The following FMN2 variants were observed in gnomAD, a reference collection of about 807,000 sequenced individuals.
FMN2 encodes the protein formin 2.
Under a neutral mutation model 142.3 loss-of-function variants are expected in FMN2, and 51 were observed. The ratio of observed to expected loss-of-function variants is 0.36; its 90% confidence interval spans 0.29 to 0.45. The LOEUF is 0.45. Among genes scored for constraint, FMN2 ranks in the 20% least tolerant of loss-of-function variants. The pLI, the probability that FMN2 is intolerant of heterozygous loss-of-function variation, is 1.00. For synonymous variants in FMN2, 882 were observed against 869.8 expected (o/e 1.01, Z -0.25); for missense variants, 1,936 against 2,122.8 (o/e 0.91, Z 1.73).
chr1:240,372,727 T>C (rs1161824590), intron 14 of FMN2, among the ~76,000 whole-genome samples: 1 of 151,622 alleles, frequency 6.6e-6, no homozygotes, highest in Non-Finnish European at 1.5e-5. Flanking sequence ...AAAGCAATAT[T>C]GGTTCCAGAC....
intron 4 of FMN2, among the ~76,000 whole-genome samples, chr1:240,194,352 C>T (rs1488861619): frequency 1.3e-5 from 2 of 152,164 alleles, no homozygotes; most frequent in African/African-American, 2.4e-5. Context: ...CAAAGATGAA[C>T]AAAGTCAGAC....
intron 14 of FMN2, among the ~76,000 whole-genome samples, chr1:240,357,610 GTT>G (rs11293253): frequency 3.0e-4 from 42 of 138,348 alleles, no homozygotes; most frequent in Admixed American, 8.0e-4. Context: ...AACCTTACGG[GTT>G]TTTTTTTTTT....
rs1226676367 is a variant in FMN2 at position 240,099,197 on chromosome 1, A to G, written c.1615+5473A>G. On this transcript the variant is annotated intron_variant, in intron 1 of 17. Coordinates refer to ENST00000319653, the MANE Select transcript of FMN2 (RefSeq NM_020066.5). ...ACTGGATTTATTATCTTAAAAAAAA[A>G]GTCATTGTTCAAAGTGATCAGAGCC... Among the ~76,000 whole-genome samples, 6 of 152,292 alleles carry G rather than the reference A, an allele frequency of 3.9e-5. No homozygotes were observed. The South Asian group carries it at 6.2e-4, about 16-fold the overall frequency.
At chr1:240,366,006 A>G (rs1672656735) in intron 14 of FMN2, among the ~76,000 whole-genome samples, 1 of 152,180 alleles carries the variant, frequency 6.6e-6, no homozygotes, top group South Asian at 2.1e-4. Context: ...AGATGGTGAC[A>G]AGGGCACTTT....
At chr1:240,164,081 T>C (rs1349625495) in intron 2 of FMN2, among the ~76,000 whole-genome samples, 1 of 152,126 alleles carries the variant, frequency 6.6e-6, no homozygotes, top group Non-Finnish European at 1.5e-5. Context: ...AATTTTTTTG[T>C]AAAGGCAAGA....
At chr1:240,275,332 A>G (rs1669166407) in intron 7 of FMN2, among the ~76,000 whole-genome samples, 1 of 151,756 alleles carries the variant, frequency 6.6e-6, no homozygotes, top group South Asian at 2.1e-4. Flanking sequence ...AAGTGAGAAC[A>G]TGTGGTGCTT....
chr1:240,293,209 G>A lies in FMN2; in HGVS notation c.4154-1613G>A, dbSNP rs184288536. 1.3e-3 allele frequency among the ~76,000 whole-genome samples: 200 copies of A among 152,170 alleles called. 1 individual carries two copies. Among genetic ancestry groups the A allele is most frequent in the African/African-American group, 4.5e-3 (186 of 41,528 alleles). ...GTATAATAGTATGGTTTAAAATGATGGATAAAGTCAAAGGACAACTGTGTA... is the reference window on the plus strand; with the variant it reads ...GTATAATAGTATGGTTTAAAATGATAGATAAAGTCAAAGGACAACTGTGTA... On this transcript the variant is annotated intron_variant, in intron 7 of 17. Transcript: ENST00000319653.
rs534293961 is a variant in FMN2 at position 240,221,347 on chromosome 1, G to A, written c.4065+10112G>A. Among the ~76,000 whole-genome samples, 528 of 152,166 alleles carry A rather than the reference G, an allele frequency of 3.5e-3. 5 individuals are homozygous for A. Among genetic ancestry groups the A allele is most frequent in the African/African-American group, 0.011 (474 of 41,538 alleles). ...ACACTCCCACCAACAGTGTAAAAGT[G>A]TTCCTATTTCTCCACATCCTCTCCA... On this transcript the variant is annotated intron_variant, in intron 6 of 17. Transcript: ENST00000319653.
intron 15 of FMN2, among the ~76,000 whole-genome samples, chr1:240,426,439 G>T (rs1674938105): frequency 6.6e-6 from 1 of 152,104 alleles, no homozygotes; most frequent in Non-Finnish European, 1.5e-5. Context: ...CATTTTAAAA[G>T]ATGTGTATAG....
chr1:240,093,655 TC>T lies in FMN2; in HGVS notation c.1550del (p.Pro517GlnfsTer151), dbSNP rs1390970926. Reference sequence around the variant, plus strand: ...GGCGAGTGACAGCGGCGGTGGGGTGTCCCCAGCACTGGCCGCCAAGGCGTCT... The same window carrying T: ...GGCGAGTGACAGCGGCGGTGGGGTGTCCCAGCACTGGCCGCCAAGGCGTCT... ...GVASDSGGGV[S>X]PALAAKASGA... On this transcript the variant is annotated frameshift_variant, in exon 1 of 18. Coordinates refer to ENST00000319653, the MANE Select transcript of FMN2 (RefSeq NM_020066.5). LOFTEE classifies it high-confidence loss of function. 3.6e-6 allele frequency: 5 copies of T among 1,376,330 alleles called. No homozygotes were observed. The highest frequency in any genetic ancestry group is 1.8e-5 in the South Asian group (1 of 54,262). The allele number at this position is 1,376,330 out of a possible 1,614,324, so 85.3% of individuals were successfully genotyped here.
In FMN2 at chr1:240,438,079, A is replaced by T; in HGVS notation, c.4929A>T (p.Ala1643=). ...ETHKCFLETT[A]YFFMKPKLGE... ...TTGACAGCTTTTTGGAGACCACGGC[A>T]TATTTCTTCATGAAACCAAAACTTG... is the stretch of plus-strand genomic sequence containing the variant. Residue 1643 remains alanine, a synonymous_variant, in exon 16 of 18, where the codon GCA becomes GCT. Coordinates refer to ENST00000319653, the MANE Select transcript of FMN2 (RefSeq NM_020066.5). 2 of 1,613,926 alleles carry T rather than the reference A, an allele frequency of 1.2e-6. No homozygotes were observed. Among genetic ancestry groups the T allele is most frequent in the Non-Finnish European group, 1.7e-6 (2 of 1,179,956 alleles).
chr1:240,379,743 C>T (rs1296916011), intron 14 of FMN2, among the ~76,000 whole-genome samples: 5 of 151,820 alleles, frequency 3.3e-5, no homozygotes, highest in East Asian at 3.9e-4. Flanking sequence ...CAATTAAGTC[C>T]GGAATTAAGT....
rs1363610642 is a variant in FMN2 at position 240,361,145 on chromosome 1, A to T, written c.4858+5237A>T. On this transcript the variant is annotated intron_variant, in intron 14 of 17. Coordinates refer to ENST00000319653, the MANE Select transcript of FMN2 (RefSeq NM_020066.5). ...TAATAATAAATAAATATATGTGTAT[A>T]TATATATATATATATATATATATAT... Among the ~76,000 whole-genome samples the T allele has an allele frequency of 1.6e-3, 16 of 10,200 alleles. No homozygotes were observed. In the East Asian group the frequency reaches 0.031, roughly 20 times the overall value. 6.7% of individuals were successfully genotyped at this position (10,200 alleles called of 152,430 possible).
At chr1:240,290,317 T>C (rs1195653849) in intron 7 of FMN2, among the ~76,000 whole-genome samples, 2 of 152,184 alleles carry the variant, frequency 1.3e-5, no homozygotes, top group African/African-American at 2.4e-5. Flanking sequence ...ACAATGACAT[T>C]GGATCTTAGC....
chr1:240,185,170 CACCTTTCCCCTTCTCTTTCTCCCTCCTAT>C (rs1553338272), intron 3 of FMN2, among the ~76,000 whole-genome samples: 4 of 37,416 alleles, frequency 1.1e-4, no homozygotes, highest in African/African-American at 4.6e-4. Flanking sequence ...CTCCCTCCTA[CACCTTTCCCCTTCTCTTTCTCCCTCCTAT>C]ACCTTTTTCC....
chr1:240,258,081 G>T lies in FMN2; in HGVS notation c.4153+49G>T. The T allele has an allele frequency of 4.2e-6, 6 of 1,429,156 alleles. No individual in the cohort carries two copies. In the South Asian group the frequency reaches 7.2e-5, roughly 17 times the overall value. 88.5% of individuals were successfully genotyped at this position (1,429,156 alleles called of 1,614,324 possible). On this transcript the variant is annotated intron_variant, in intron 7 of 17. Transcript: ENST00000319653. ...GCTTCTGAATATTAAAATTTGGGCT[G>T]AGGGATATGATGTTTGTTGGTAATG...
chr1:240,336,079 G>T (rs1671544767), intron 13 of FMN2, among the ~76,000 whole-genome samples: 1 of 152,138 alleles, frequency 6.6e-6, no homozygotes, highest in Non-Finnish European at 1.5e-5. Context: ...GGAGGCAGAG[G>T]TTGCAGTGAG....
Position 240,207,133 on chromosome 1 carries a change from A to C in FMN2, c.2321A>C (p.Glu774Ala). ...PGRPPCPPGA[E>A]SGPQTKFCSE... ...CGTCCTCCATGCCCCCCTGGGGCTGAAAGTGGACCTCAGACAAAGTTCTGT... is the reference window on the plus strand; with the variant it reads ...CGTCCTCCATGCCCCCCTGGGGCTGCAAGTGGACCTCAGACAAAGTTCTGT... Residue 774 changes from glutamate (E) to alanine (A), a missense_variant, in exon 5 of 18, where the codon GAA becomes GCA. By Grantham distance (107) the Glu-to-Ala change is moderately radical (BLOSUM62 -1). Around this residue, in one of 8 missense-constraint regions of FMN2, gnomAD observed 478 missense variants for 462.8 expected, o/e 1.03. Transcript: ENST00000319653. The C allele has an allele frequency of 1.2e-6, 2 of 1,614,076 alleles. No homozygotes were observed. The highest frequency in any genetic ancestry group is 1.7e-6 in the Non-Finnish European group (2 of 1,179,966).
At chr1:240,342,365 C>A (rs1671771223) in intron 13 of FMN2, among the ~76,000 whole-genome samples, 1 of 152,156 alleles carries the variant, frequency 6.6e-6, no homozygotes, top group African/African-American at 2.4e-5. Context: ...ATTTCATATA[C>A]TTCAAAAACT....
Sources: gnomAD v4.1 joint callset for allele counts (sites outside exome capture counted in the v4.1 genomes callset) on GRCh38, gnomAD v4.1.1 for gene constraint, gnomAD v4.1.1 regional missense constraint, MANE v1.5 for transcripts, NCBI Gene and HGNC (gene_info 2026-07-23, HGNC 2026-07-21) for gene names.